Variants in LGR5 observed in about 807,000 individuals in gnomAD.
LGR5 encodes leucine-rich repeat-containing G protein-coupled receptor 5.
Under a neutral mutation model 76.7 loss-of-function variants are expected in LGR5, and 54 were observed. The ratio of observed to expected loss-of-function variants is 0.70; its 90% confidence interval spans 0.57 to 0.88. The LOEUF is 0.88. Among genes scored for constraint, LGR5 ranks in the 40% least tolerant of loss-of-function variants. LGR5 has a pLI of 0.00. For missense variants in LGR5, 1,078 were observed against 1,073.3 expected (o/e 1.00, Z -0.06); for synonymous variants, 406 against 421.9 (o/e 0.96, Z 0.46).
chr12:71,496,560 G>C (rs74101863), intron 1 of LGR5, among the ~76,000 whole-genome samples: 3,464 of 152,158 alleles, frequency 0.023, 134 homozygotes, highest in African/African-American at 0.079. Context: ...TACACCAATA[G>C]TCAGCAATTC....
chr12:71,548,619 CT>C (rs1218088533), intron 4 of LGR5, among the ~76,000 whole-genome samples: 2 of 152,070 alleles, frequency 1.3e-5, no homozygotes, highest in African/African-American at 4.8e-5. Flanking sequence ...CATTAAGGTA[CT>C]TTAGATTTAC....
intron 1 of LGR5, among the ~76,000 whole-genome samples, chr12:71,449,544 C>T (rs980754439): frequency 2.0e-5 from 3 of 152,266 alleles, no homozygotes; most frequent in East Asian, 3.9e-4. Flanking sequence ...CAGCAAGTGT[C>T]CACCTTCCAC....
intron 3 of LGR5, 39 bp from the exon 4 acceptor site, chr12:71,535,076 T>A (rs756450948): frequency 7.0e-7 from 1 of 1,422,202 alleles, no homozygotes; most frequent in South Asian, 1.2e-5. Context: ...TTATTGTTCA[T>A]TTTTTTTAAC....
chr12:71,486,129 T>C (rs975171983), intron 1 of LGR5, among the ~76,000 whole-genome samples: 1 of 152,218 alleles, frequency 6.6e-6, no homozygotes, highest in African/African-American at 2.4e-5. Context: ...GCCTTATCTA[T>C]ATTTTAATTT....
At chr12:71,513,729 A>G (rs1875287232) in intron 2 of LGR5, among the ~76,000 whole-genome samples, 1 of 152,236 alleles carries the variant, frequency 6.6e-6, no homozygotes, top group African/African-American at 2.4e-5. Flanking sequence ...TATATGTGGC[A>G]TATTGAAAGT....
chr12:71,537,693 A>T (rs959195174), intron 4 of LGR5, among the ~76,000 whole-genome samples: 1 of 152,180 alleles, frequency 6.6e-6, no homozygotes, highest in South Asian at 2.1e-4. Context: ...AGCACGTCTA[A>T]AAATAAAAAC....
chr12:71,501,671 C>T (rs1874612012), intron 1 of LGR5, among the ~76,000 whole-genome samples: 1 of 152,186 alleles, frequency 6.6e-6, no homozygotes, highest in Non-Finnish European at 1.5e-5. Flanking sequence ...CTTTTGTAGT[C>T]ATTTAACTAT....
At chr12:71,498,549 C>T (rs371146602) in intron 1 of LGR5, among the ~76,000 whole-genome samples, 6 of 152,144 alleles carry the variant, frequency 3.9e-5, no homozygotes, top group African/African-American at 1.4e-4. Context: ...CCTTAAGTGG[C>T]AGACAGTGGA....
chr12:71,560,170 A>G (rs1360385167), intron 7 of LGR5, among the ~76,000 whole-genome samples: 1 of 152,208 alleles, frequency 6.6e-6, no homozygotes, highest in Non-Finnish European at 1.5e-5. Flanking sequence ...ATCCATGTAT[A>G]ACTTTTGACT....
chr12:71,492,088 T>C (rs190263821), intron 1 of LGR5, among the ~76,000 whole-genome samples: 4 of 152,168 alleles, frequency 2.6e-5, no homozygotes, highest in East Asian at 3.9e-4. Flanking sequence ...GTTGGATATT[T>C]ATAGGTTCAG....
chr12:71,548,984 C>T (rs1222198264), intron 4 of LGR5, among the ~76,000 whole-genome samples: 2 of 152,110 alleles, frequency 1.3e-5, no homozygotes, highest in Admixed American at 6.5e-5. Context: ...CTTCTTGTAC[C>T]AGATAGTGAT....
chr12:71,560,617 C>T, intron 7 of LGR5, among the ~76,000 whole-genome samples: 1 of 152,182 alleles, frequency 6.6e-6, no homozygotes, highest in East Asian at 1.9e-4. Flanking sequence ...CATGGTGAAA[C>T]CCCGTCTCTA....
intron 3 of LGR5, among the ~76,000 whole-genome samples, chr12:71,532,474 T>A (rs1565727381): frequency 6.6e-6 from 1 of 152,224 alleles, no homozygotes; most frequent in East Asian, 1.9e-4. Flanking sequence ...ATAATGAAAT[T>A]AGTTGAGTAG....
rs1377188632 is a variant in LGR5 at position 71,574,473 on chromosome 12, C to T, written c.1208+1552C>T. Among the ~76,000 whole-genome samples, 9 of 152,172 alleles carry T rather than the reference C, an allele frequency of 5.9e-5. No homozygotes were observed. In the East Asian group the frequency reaches 1.2e-3, roughly 20 times the overall value. Reference sequence around the variant, plus strand: ...CAATTCATCCTCTCCACTCCTCTACCGCAGGCCCATTAATGATTCGTTTGG... The same window carrying T: ...CAATTCATCCTCTCCACTCCTCTACTGCAGGCCCATTAATGATTCGTTTGG... On this transcript the variant is annotated intron_variant, in intron 13 of 17. Coordinates refer to ENST00000266674, the MANE Select transcript of LGR5 (RefSeq NM_003667.4).
intron 3 of LGR5, 86 bp from the exon 4 acceptor site, chr12:71,535,029 T>G: frequency 1.2e-6 from 1 of 834,692 alleles, no homozygotes. Context: ...GTTGTTTTTC[T>G]GACACCTGGA....
intron 1 of LGR5, among the ~76,000 whole-genome samples, chr12:71,489,531 GT>G (rs1426643629): frequency 6.6e-6 from 1 of 152,058 alleles, no homozygotes; most frequent in Non-Finnish European, 1.5e-5. Context: ...AATTTCAGTG[GT>G]AGTCAACTTG....
At chr12:71,552,084 G>A (rs1877512450) in intron 4 of LGR5, among the ~76,000 whole-genome samples, 1 of 151,732 alleles carries the variant, frequency 6.6e-6, no homozygotes, top group African/African-American at 2.4e-5. Flanking sequence ...GGGCCTGTCG[G>A]CAGGTGGGGG....
rs1233031861 is a variant in LGR5, at chr12:71,440,310, T to C, written c.212+18T>C. On this transcript the variant is annotated intron_variant, in intron 1 of 17. Coordinates refer to ENST00000266674, the MANE Select transcript of LGR5 (RefSeq NM_003667.4). This position sits in a 1 kb window ranked among gnomAD's most constrained non-coding sequence, Gnocchi z 5.3. The stretch of plus-strand genomic sequence containing the variant: ...TCCTACCTGTAAGTACTTCCCCACG[T>C]CACTCCGGGAGAGAGACTAAGAGGG... 3 of 1,602,620 alleles carry C rather than the reference T, an allele frequency of 1.9e-6. No individual in the cohort carries two copies. The African/African-American group carries it at 4.0e-5, about 21-fold the overall frequency.
intron 2 of LGR5, among the ~76,000 whole-genome samples, chr12:71,509,376 G>A (rs1875031407): frequency 6.6e-6 from 1 of 152,126 alleles, no homozygotes; most frequent in South Asian, 2.1e-4. Flanking sequence ...TGATTTTGCA[G>A]GAATCTCAGG....
Sources: gnomAD v4.1 joint callset for allele counts (sites outside exome capture counted in the v4.1 genomes callset) on GRCh38, gnomAD v4.1.1 for gene constraint, Gnocchi (gnomAD v3.1) non-coding constraint, MANE v1.5 for transcripts, NCBI Gene and HGNC (gene_info 2026-07-23, HGNC 2026-07-21) for gene names.